Variants in GSPT1 observed in about 807,000 individuals in gnomAD.
GSPT1 encodes G1 to S phase transition 1.
Under a neutral mutation model 72.5 loss-of-function variants are expected in GSPT1, and 20 were observed. That is an observed-to-expected ratio of 0.28 (90% CI 0.19 to 0.40). GSPT1 has a LOEUF of 0.40. Among genes scored for constraint, GSPT1 ranks in the 10% least tolerant of loss-of-function variants. The probability of loss-of-function intolerance (pLI) is 1.00; values close to 1 mark genes in which losing one functional copy is unlikely to be tolerated. For missense variants in GSPT1, 580 were observed against 811.9 expected (o/e 0.71, Z 3.47); for synonymous variants, 334 against 293.5 (o/e 1.14, Z -1.41).
At chr16:11,875,260 C>T (rs2054033220) in intron 14 of GSPT1, among the ~76,000 whole-genome samples, 1 of 152,040 alleles carries the variant, frequency 6.6e-6, no homozygotes, top group African/African-American at 2.4e-5. Flanking sequence ...ATATTAAAAG[C>T]TCATAAGGAA....
intron 10 of GSPT1, 22 bp downstream of exon 10, chr16:11,885,159 A>G: frequency 8.5e-7 from 1 of 1,174,390 alleles, no homozygotes. Flanking sequence ...AGGAAACCCA[A>G]TTTCTTTAAC....
At chr16:11,891,497 G>C (rs745962337) in intron 5 of GSPT1, among the ~76,000 whole-genome samples, 1 of 151,436 alleles carries the variant, frequency 6.6e-6, no homozygotes, top group Non-Finnish European at 1.5e-5. Context: ...GAGTAGCTGG[G>C]ATTACAGGCA....
At chr16:11,874,805 G>C (rs2054019742) in intron 14 of GSPT1, among the ~76,000 whole-genome samples, 1 of 152,150 alleles carries the variant, frequency 6.6e-6, no homozygotes, top group South Asian at 2.1e-4. Flanking sequence ...GAATTGGAAT[G>C]AACATGTGAA....
At position 11,871,339 on chromosome 16, in the gene GSPT1, G is replaced by A. The variant is rs372127214; in HGVS notation, c.*1780C>T. ...CCCAGCACTTTTGAGAGGCTGAGGC[G>A]AGTGGATCACTTGAGGTCAGAAGTT... On this transcript the variant is annotated 3_prime_UTR_variant, in exon 15 of 15. Transcript: ENST00000434724. 10 of 152,286 alleles carry A rather than the reference G, an allele frequency of 6.6e-5. No individual in the cohort carries two copies. The highest frequency in any genetic ancestry group is 3.4e-3 in the Middle Eastern group (1 of 294). The allele number at this position is 152,286 out of a possible 1,614,324, so 9.4% of individuals were successfully genotyped here.
chr16:11,915,189 C>G (rs2054616013), intron 1 of GSPT1, 180 bp downstream of exon 1: 1 of 1,059,024 alleles, frequency 9.4e-7, no homozygotes, highest in African/African-American at 1.7e-5. Context: ...CGGCCACCGC[C>G]GCGGGCCGCC....
chr16:11,895,640 C>G (rs1246622168), intron 4 of GSPT1: 1 of 151,740 alleles, frequency 6.6e-6, no homozygotes, highest in Non-Finnish European at 1.5e-5. Context: ...CTTTTTTTCC[C>G]CACGAGACGG....
chr16:11,891,296 T>C (rs1354940303), intron 5 of GSPT1, among the ~76,000 whole-genome samples, 157 bp from the exon 6 acceptor site: 2 of 147,936 alleles, frequency 1.4e-5, no homozygotes, highest in Non-Finnish European at 3.0e-5. Context: ...ATATATAACA[T>C]ATATAACATA....
intron 3 of GSPT1, among the ~76,000 whole-genome samples, chr16:11,897,582 C>T (rs2054355998): frequency 6.6e-6 from 1 of 152,058 alleles, no homozygotes; most frequent in Non-Finnish European, 1.5e-5. Flanking sequence ...AAGACTCCGT[C>T]TCAAAAAAAG....
intron 9 of GSPT1, 41 bp from the exon 10 acceptor site, chr16:11,885,315 A>T (rs1480762399): frequency 1.1e-6 from 1 of 926,118 alleles, no homozygotes; most frequent in Non-Finnish European, 1.8e-6. Flanking sequence ...AAGTCAACAT[A>T]AATATCAAAA....
Position 11,900,999 on chromosome 16 carries a change from GAAAAACA to G in GSPT1, c.353-2971_353-2965del, listed in dbSNP as rs374928660. 3.2e-3 allele frequency among the ~76,000 whole-genome samples: 476 copies of G among 150,834 alleles called. 5 individuals are homozygous for G. Among genetic ancestry groups the G allele is most frequent in the African/African-American group, 0.011 (452 of 40,958 alleles). On this transcript the variant is annotated intron_variant, in intron 1 of 14. Coordinates refer to ENST00000434724, the MANE Select transcript of GSPT1 (RefSeq NM_002094.4). ...CAAAACCCCACCTGTACCAAAAAAAGAAAAACAAAAAACAAAAAACAAAAAACTGTCG... is the reference window on the plus strand; with the variant it reads ...CAAAACCCCACCTGTACCAAAAAAAGAAAAACAAAAAACAAAAAACTGTCG...
Position 11,887,449 on chromosome 16 carries a change from C to T in GSPT1, c.957+121G>A, listed in dbSNP as rs532060104. Reference sequence around the variant, plus strand: ...AGATTAGTATGATGAAAACTGTGACCGTGTACATCATTATATTTCACTGCA... The same window carrying T: ...AGATTAGTATGATGAAAACTGTGACTGTGTACATCATTATATTTCACTGCA... On this transcript the variant is annotated intron_variant, in intron 7 of 14. Transcript: ENST00000434724. 427 of 739,124 alleles carry T rather than the reference C, an allele frequency of 5.8e-4. 1 individual carries two copies. The highest frequency in any genetic ancestry group is 7.7e-4 in the Non-Finnish European group (340 of 441,228). The allele number at this position is 739,124 out of a possible 1,614,324, so 45.8% of individuals were successfully genotyped here. A position where few individuals can be genotyped will look rare whatever the true frequency, so the allele number is the denominator to read the frequency against.
At position 11,915,868 on chromosome 16, in the gene GSPT1, G is replaced by C. The variant is rs780470722; in HGVS notation, c.-148C>G. On this transcript the variant is annotated 5_prime_UTR_variant, in exon 1 of 15. Coordinates refer to ENST00000434724, the MANE Select transcript of GSPT1 (RefSeq NM_002094.4). ...CGACAAAGATCCCCGGCGTCGCCGC[G>C]GCAGCAGCTCCAGTCCCGACTCCAC... 1 of 1,244,548 alleles carries C rather than the reference G, an allele frequency of 8.0e-7. No individual in the cohort carries two copies. The highest frequency in any genetic ancestry group is 1.2e-6 in the Non-Finnish European group (1 of 863,394). The allele number at this position is 1,244,548 out of a possible 1,614,324, so 77.1% of individuals were successfully genotyped here. A position where few individuals can be genotyped will look rare whatever the true frequency, so the allele number is the denominator to read the frequency against.
intron 6 of GSPT1, 47 bp from the exon 7 acceptor site, chr16:11,887,797 G>A (rs1192447477): frequency 8.0e-7 from 1 of 1,257,326 alleles, no homozygotes; most frequent in Non-Finnish European, 1.1e-6. Context: ...GAACATCAGA[G>A]TTTTTAGGAT....
chr16:11,915,654 T>TGCTGCTGCC lies in GSPT1; in HGVS notation c.58_66dup (p.Gly20_Ser22dup), dbSNP rs1328120204. On this transcript the variant is annotated inframe_insertion, in exon 1 of 15. Transcript: ENST00000434724. ...CAGCAGTCAGGCGCCGAGTCGCTGCTGCTGCTGCCGCTGCTGCTCCCGCCG... is the reference window on the plus strand; with the variant it reads ...CAGCAGTCAGGCGCCGAGTCGCTGCTGCTGCTGCCGCTGCTGCCGCTGCTGCTCCCGCCG... 7 of 1,487,930 alleles carry TGCTGCTGCC rather than the reference T, an allele frequency of 4.7e-6. No individual in the cohort carries two copies. Among genetic ancestry groups the TGCTGCTGCC allele is most frequent in the Non-Finnish European group, 6.2e-6 (7 of 1,123,620 alleles). 92.2% of individuals were successfully genotyped at this position (1,487,930 alleles called of 1,614,324 possible).
intron 1 of GSPT1, among the ~76,000 whole-genome samples, chr16:11,911,098 A>G (rs905559380): frequency 5.9e-5 from 9 of 152,264 alleles, no homozygotes; most frequent in African/African-American, 2.2e-4. Context: ...ACACCTTTAT[A>G]TGAGCACTGT....
chr16:11,892,769 C>T lies in GSPT1; in HGVS notation c.699-1630G>A, dbSNP rs544457799. On this transcript the variant is annotated intron_variant, in intron 5 of 14. Coordinates refer to ENST00000434724, the MANE Select transcript of GSPT1 (RefSeq NM_002094.4). Reference sequence around the variant, plus strand: ...ATTTGAACCCAGGAGGCGGAGGTTGCAGTGAGCCAAGATCACACCACTGCA... The same window carrying T: ...ATTTGAACCCAGGAGGCGGAGGTTGTAGTGAGCCAAGATCACACCACTGCA... Among the ~76,000 whole-genome samples the T allele has an allele frequency of 4.2e-5, 5 of 119,396 alleles. No individual in the cohort carries two copies. The South Asian group carries it at 1.4e-3, about 34-fold the overall frequency. The allele number at this position is 119,396 out of a possible 152,430, so 78.3% of individuals were successfully genotyped here. A position where few individuals can be genotyped will look rare whatever the true frequency, so the allele number is the denominator to read the frequency against.
rs1158213060 is a variant in GSPT1 at position 11,915,896 on chromosome 16, T to C, written c.-176A>G. On this transcript the variant is annotated 5_prime_UTR_variant, in exon 1 of 15. Transcript: ENST00000434724. ...AGCAGCTCCAGTCCCGACTCCACAC[T>C]CGCGACGACGACAGAGGCGGCGGCG... 3.3e-6 allele frequency: 3 copies of C among 917,052 alleles called. No individual in the cohort carries two copies. Among genetic ancestry groups the C allele is most frequent in the African/African-American group, 3.3e-5 (2 of 61,036 alleles). The allele number at this position is 917,052 out of a possible 1,614,324, so 56.8% of individuals were successfully genotyped here. A position where few individuals can be genotyped will look rare whatever the true frequency, so the allele number is the denominator to read the frequency against.
intron 1 of GSPT1, among the ~76,000 whole-genome samples, chr16:11,898,892 A>G (rs1009719167): frequency 2.0e-5 from 3 of 152,202 alleles, no homozygotes; most frequent in African/African-American, 2.4e-5. Context: ...GGTGATTCCA[A>G]TGATGCCAGT....
intron 11 of GSPT1, chr16:11,881,254 C>G (rs545359067): frequency 6.6e-6 from 1 of 152,154 alleles, no homozygotes; most frequent in Non-Finnish European, 1.5e-5. Flanking sequence ...GAGGACTAAA[C>G]TGAAGTGAGT....
Sources: allele counts gnomAD v4.1 joint callset (sites outside exome capture counted in the v4.1 genomes callset), GRCh38; gene constraint gnomAD v4.1.1; transcripts MANE v1.5; gene names NCBI Gene and HGNC (gene_info 2026-07-23, HGNC 2026-07-21).